Variants in POLE observed in about 807,000 individuals in gnomAD.
The protein encoded by POLE is DNA polymerase epsilon, catalytic subunit, also known as DNA polymerase epsilon catalytic subunit A.
A neutral mutation model predicts 279.2 loss-of-function variants in POLE; 188 were observed. That is an observed-to-expected ratio of 0.67 (90% confidence interval 0.60 to 0.76). The LOEUF is 0.76. POLE is among the 30% of genes least tolerant of loss of function. The probability of loss-of-function intolerance (pLI) is 0.00; values close to 1 mark genes in which losing one functional copy is unlikely to be tolerated. For synonymous variants in POLE, 1,214 were observed against 1,172.5 expected (o/e 1.04, Z -0.72); for missense variants, 2,703 against 3,016.7 (o/e 0.90, Z 2.44).
chr12:132,638,506 A>G (rs1409995525), intron 40 of POLE: 2 of 172,898 alleles, frequency 1.2e-5, no homozygotes, highest in African/African-American at 4.8e-5. Context: ...ATCCTAAGTT[A>G]AGACTGCACC....
rs1481922398 is a variant in POLE, at chr12:132,661,219, C to G, written c.2865-55G>C. 7 of 1,472,564 alleles carry G rather than the reference C, an allele frequency of 4.8e-6. No homozygotes were observed. Among genetic ancestry groups the G allele is most frequent in the Non-Finnish European group, 5.5e-6 (6 of 1,089,772 alleles). 91.2% of individuals were successfully genotyped at this position (1,472,564 alleles called of 1,614,324 possible). A position where few individuals can be genotyped will look rare whatever the true frequency, so the allele number is the denominator to read the frequency against. Reference sequence around the variant, plus strand: ...AGTGGCAAGGAGCGCTGGGGAGCCACCAGCTGTGCCTCATCCTCTCTGCCC... The same window carrying G: ...AGTGGCAAGGAGCGCTGGGGAGCCAGCAGCTGTGCCTCATCCTCTCTGCCC... On this transcript the variant is annotated intron_variant, in intron 24 of 48. Coordinates refer to ENST00000320574, the MANE Select transcript of POLE (RefSeq NM_006231.4). The surrounding 1 kb of genome is among the most constrained non-coding windows in gnomAD (Gnocchi z 4.1).
intron 45 of POLE, among the ~76,000 whole-genome samples, chr12:132,630,014 G>A (rs758481066): frequency 1.2e-4 from 18 of 152,186 alleles, no homozygotes; most frequent in Non-Finnish European, 2.2e-4. Context: ...GAGAAAGGGC[G>A]AGATGGCAGA....
Position 132,672,219 on chromosome 12 carries a change from T to C in POLE, c.1790A>G (p.Glu597Gly), listed in dbSNP as rs762602865. Residue 597 changes from glutamate to glycine, a missense_variant, in exon 16 of 49, where the codon GAA becomes GGA. By Grantham distance (98) the Glu-to-Gly change is moderately conservative. Coordinates refer to ENST00000320574, the MANE Select transcript of POLE (RefSeq NM_006231.4). ...TCCTGCCTCCCTGATGGTTACCTCT[T>C]CAAAGTTGGTGACTTGCTCCACAGG... is the stretch of plus-strand genomic sequence containing the variant. ...KVPVEQVTNF[E>G]EVCDEIKSKL... is the part of the protein sequence containing the mutation. 2.5e-6 allele frequency: 4 copies of C among 1,612,494 alleles called. No individual in the cohort carries two copies. Among genetic ancestry groups the C allele is most frequent in the Admixed American group, 1.7e-5 (1 of 60,022 alleles).
chr12:132,661,102 C>T lies in POLE; in HGVS notation c.2927G>A (p.Arg976His), dbSNP rs878854857. Residue 976 changes from arginine (R) to histidine (H), a missense_variant, in exon 25 of 49, where the codon CGC (arginine) becomes CAC (histidine). By Grantham distance (29) the Arg-to-His change is conservative (BLOSUM62 0). Coordinates refer to ENST00000320574, the MANE Select transcript of POLE (RefSeq NM_006231.4). This position sits in a 1 kb window ranked among gnomAD's most constrained non-coding sequence, Gnocchi z 4.1. ...AELKGFEVKR[R>H]GELQLIKIFQ... ...GATCTTAATCAGCTGCAGTTCCCCG[C>T]GGCGTTTGACCTCAAAGCCCTTGAG... 15 of 1,613,732 alleles carry T rather than the reference C, an allele frequency of 9.3e-6. No individual in the cohort carries two copies. The highest frequency in any genetic ancestry group is 4.5e-5 in the East Asian group (2 of 44,876).
In POLE at chr12:132,648,617, T is replaced by A. The variant is rs542426985; in HGVS notation, c.4149+312A>T. The A allele has an allele frequency of 1.3e-3, 346 of 265,954 alleles. 2 individuals carry two copies. The highest frequency in any genetic ancestry group is 1.9e-3 in the Non-Finnish European group (273 of 141,618). 16.5% of individuals were successfully genotyped at this position (265,954 alleles called of 1,614,324 possible). ...TGGATGGCGTAACTTTACATCCCAA[T>A]AAAGCTGTTAACAACCAAAGAGCCT... On this transcript the variant is annotated intron_variant, in intron 32 of 48. Transcript: ENST00000320574.
intron 16 of POLE, among the ~76,000 whole-genome samples, chr12:132,670,633 G>C (rs1436119488): frequency 6.7e-6 from 1 of 149,468 alleles, no homozygotes; most frequent in African/African-American, 2.5e-5. Context: ...TGGGACTACA[G>C]GTGCCCGCCA....
chr12:132,638,409 C>T (rs1473854475), intron 40 of POLE: 13 of 242,224 alleles, frequency 5.4e-5, no homozygotes, highest in Non-Finnish European at 7.2e-5. Context: ...ACAACTCATT[C>T]GATATTTAAT....
Position 132,676,004 on chromosome 12 carries a change from T to G in POLE, c.1020+90A>C. The G allele has an allele frequency of 3.0e-6, 3 of 987,754 alleles. No individual in the cohort carries two copies. In the South Asian group the frequency reaches 4.3e-5, roughly 14 times the overall value. 61.2% of individuals were successfully genotyped at this position (987,754 alleles called of 1,614,324 possible). On this transcript the variant is annotated intron_variant, in intron 10 of 48. Transcript: ENST00000320574. ...AACAAAGCTCATGGAGCTGCAATTC[T>G]GATCTGACGGAATGCCTGAGGCCTT...
chr12:132,648,987 C>CG lies in POLE; in HGVS notation c.4090dup (p.Arg1364ProfsTer11). ...GACTCGCTGGTTCACGTAGAACACA[C>CG]GGGGGATGCTCAGCCTGATGCAGTG... On this transcript the variant is annotated frameshift_variant, in exon 32 of 49. Transcript: ENST00000320574. LOFTEE classifies it high-confidence loss of function. The CG allele has an allele frequency of 1.2e-6, 2 of 1,614,056 alleles. No homozygotes were observed. Among genetic ancestry groups the CG allele is most frequent in the Non-Finnish European group, 1.7e-6 (2 of 1,180,000 alleles).
chr12:132,646,594 G>T (rs974741632), intron 32 of POLE, among the ~76,000 whole-genome samples: 4 of 151,416 alleles, frequency 2.6e-5, no homozygotes, highest in Non-Finnish European at 5.9e-5. Flanking sequence ...CACTTTGGGA[G>T]GCCGAGGTGG....
At chr12:132,653,368 A>G (rs904144958) in intron 29 of POLE, among the ~76,000 whole-genome samples, 1 of 152,238 alleles carries the variant, frequency 6.6e-6, no homozygotes, top group Non-Finnish European at 1.5e-5. Context: ...AAGGAAGACC[A>G]TGTCTCAAAA....
At position 132,642,582 on chromosome 12, in the gene POLE, G is replaced by A. The variant is rs753713315; in HGVS notation, c.4876C>T (p.Arg1626Cys). The A allele has an allele frequency of 1.3e-5, 21 of 1,613,356 alleles. No homozygotes were observed. Among genetic ancestry groups the A allele is most frequent in the South Asian group, 3.3e-5 (3 of 91,090 alleles). Residue 1626 changes from arginine to cysteine, a missense_variant, in exon 37 of 49, where the codon CGC becomes TGC. Transcript: ENST00000320574. ...KINYGVLDWQ[R>C]HGARRMIRHY... ...CGGATCATGCGCCGGGCTCCATGGC[G>A]CTGCCAGTCCAGGACCCCATAGTTG...
At position 132,668,251 on chromosome 12, in the gene POLE, A is replaced by C. The variant is rs914335050; in HGVS notation, c.2173+105T>G. The C allele has an allele frequency of 5.1e-6, 7 of 1,359,648 alleles. No individual in the cohort carries two copies. In the African/African-American group the frequency reaches 8.8e-5, roughly 17 times the overall value. The allele number at this position is 1,359,648 out of a possible 1,614,324, so 84.2% of individuals were successfully genotyped here. A position where few individuals can be genotyped will look rare whatever the true frequency, so the allele number is the denominator to read the frequency against. On this transcript the variant is annotated intron_variant, in intron 19 of 48. Coordinates refer to ENST00000320574, the MANE Select transcript of POLE (RefSeq NM_006231.4). This position sits in a 1 kb window ranked among gnomAD's most constrained non-coding sequence, Gnocchi z 4.0. Reference sequence around the variant, plus strand: ...GAGCAGCTTCTGGTCTGCTGTGACAACACCTCTGGGGCCCCAGCTGGGATG... The same window carrying C: ...GAGCAGCTTCTGGTCTGCTGTGACACCACCTCTGGGGCCCCAGCTGGGATG...
chr12:132,647,207 G>A (rs979876817), intron 32 of POLE, among the ~76,000 whole-genome samples: 1 of 152,092 alleles, frequency 6.6e-6, no homozygotes, highest in Admixed American at 6.5e-5. Flanking sequence ...ACTGAGGCAG[G>A]AGGATTGCTT....
At chr12:132,680,154 C>T (rs2043137243) in intron 4 of POLE, 24 bp downstream of exon 4, 1 of 1,611,888 alleles carries the variant, frequency 6.2e-7, no homozygotes, top group Admixed American at 1.7e-5. Flanking sequence ...GGTCGTCTGA[C>T]CTGAGTCTAT....
rs763031537 is a variant in POLE, at chr12:132,639,197, G to A, written c.5480C>T (p.Ser1827Leu). Residue 1827 changes from serine to leucine, a missense_variant, in exon 40 of 49, where the codon TCG (serine) becomes TTG (leucine). This residue lies in a region of POLE where 1,551 missense variants were observed against 1,686.1 expected (regional missense o/e 0.92). Transcript: ENST00000320574. The surrounding 1 kb of genome is among the most constrained non-coding windows in gnomAD (Gnocchi z 4.7). ...AGGGTCATGAAGCAGAGAGGATGGC[G>A]ACCGAAGCCAGCGGTAGAAGTGCAT... is the stretch of plus-strand genomic sequence containing the variant. ...QVMHFYRWLR[S>L]PSSLLHDPAL... The A allele has an allele frequency of 3.0e-5, 48 of 1,613,922 alleles. No homozygotes were observed. Among genetic ancestry groups the A allele is most frequent in the African/African-American group, 1.3e-4 (10 of 74,900 alleles).
At chr12:132,676,829 A>G (rs577677293) in intron 8 of POLE, among the ~76,000 whole-genome samples, 176 bp from the exon 9 acceptor site, 4 of 152,282 alleles carry the variant, frequency 2.6e-5, no homozygotes, top group African/African-American at 4.8e-5. Flanking sequence ...ACGACTCCCT[A>G]TGGTATGAAA....
Position 132,649,310 on chromosome 12 carries a change from A to G in POLE, c.4001T>C (p.Val1334Ala), listed in dbSNP as rs2138604685. 1 of 1,613,556 alleles carries G rather than the reference A, an allele frequency of 6.2e-7. No homozygotes were observed. Among genetic ancestry groups the G allele is most frequent in the Non-Finnish European group, 8.5e-7 (1 of 1,179,984 alleles). The change falls in exon 31 of 49, where the codon GTG becomes GCG. Residue 1334 changes from valine to alanine, a missense_variant. Around this residue, in one of 5 missense-constraint regions of POLE, gnomAD observed 1,551 missense variants for 1,686.1 expected, o/e 0.92. Transcript: ENST00000320574. ...RSILDLPWQI[V>A]QISETSQAGL... is the part of the protein sequence containing the mutation. The stretch of plus-strand genomic sequence containing the variant: ...CCCTTGGATCAAGGTCTATACCTGC[A>G]CAATCTGCCACGGAAGGTCCAGGAT...
chr12:132,639,256 G>A lies in POLE; in HGVS notation c.5421C>T (p.Thr1807=), dbSNP rs1005814484. 3 of 1,614,046 alleles carry A rather than the reference G, an allele frequency of 1.9e-6. No homozygotes were observed. Among genetic ancestry groups the A allele is most frequent in the Non-Finnish European group, 2.5e-6 (3 of 1,179,990 alleles). ...SMVVGWVKEI[T]QYHNIYADNQ... is the part of the protein sequence containing the mutation. ...TGTCTGCATAGATGTTGTGGTACTG[G>A]GTGATCTCCTTCACCCAGCCCACGA... is the stretch of plus-strand genomic sequence containing the variant. Residue 1807 remains threonine (T), a synonymous_variant, in exon 40 of 49, where the codon ACC becomes ACT. Transcript: ENST00000320574. This position sits in a 1 kb window ranked among gnomAD's most constrained non-coding sequence, Gnocchi z 4.7.
Sources: allele counts gnomAD v4.1 joint callset (sites outside exome capture counted in the v4.1 genomes callset), GRCh38; gene constraint gnomAD v4.1.1; regional missense constraint gnomAD v4.1.1; non-coding constraint Gnocchi (gnomAD v3.1); transcripts MANE v1.5; gene names NCBI Gene and HGNC (gene_info 2026-07-23, HGNC 2026-07-21).